The following PPARA variants were observed in gnomAD, a reference collection of about 807,000 sequenced individuals.
PPARA encodes peroxisome proliferator activated receptor alpha.
In PPARA, 22 loss-of-function variants were observed where a neutral mutation model predicts 42.2. The ratio of observed to expected loss-of-function variants is 0.52; its 90% CI spans 0.37 to 0.74. The LOEUF (loss-of-function observed/expected upper bound fraction) is 0.74, where lower values mean the gene tolerates loss of function less well. Among genes scored for constraint, PPARA ranks in the 30% least tolerant of loss-of-function variants. The pLI is 0.00. For missense variants in PPARA, 465 were observed against 608.2 expected, an observed-to-expected ratio of 0.76 and a Z score of 2.48; for synonymous variants, 242 against 239.3, an observed-to-expected ratio of 1.01 and a Z score of -0.10.
rs5767763 is a variant in PPARA at position 46,232,486 on chromosome 22, A to C, written c.1159+247A>C. ...ATTTAATATTATGTAAATGTATGAC[A>C]TTTTAATCATAATATTAGCCAGGTG... is the stretch of plus-strand genomic sequence containing the variant. On this transcript the variant is annotated intron_variant, in intron 8 of 8. Coordinates refer to ENST00000407236, the MANE Select transcript of PPARA (RefSeq NM_005036.6). The surrounding 1 kb of genome is among the most constrained non-coding windows in gnomAD (Gnocchi z 5.3). Among the ~76,000 whole-genome samples the C allele has an allele frequency of 6.6e-6, 1 of 151,980 alleles. No individual in the cohort carries two copies. The highest frequency in any genetic ancestry group is 2.4e-5 in the African/African-American group (1 of 41,500).
Position 46,211,080 on chromosome 22 carries a change from CT to C in PPARA, c.209-4092del, listed in dbSNP as rs1373634519. 6.6e-6 allele frequency among the ~76,000 whole-genome samples: 1 copy of C among 152,182 alleles called. No individual in the cohort carries two copies. Among genetic ancestry groups the C allele is most frequent in the Non-Finnish European group, 1.5e-5 (1 of 68,028 alleles). ...TCACTATCATCATTTCAGGTTGCTA[CT>C]GAAGTATCCCTTTTTCAGGCTCTCA... On this transcript the variant is annotated intron_variant, in intron 4 of 8. Coordinates refer to ENST00000407236, the MANE Select transcript of PPARA (RefSeq NM_005036.6). The surrounding 1 kb of genome is among the most constrained non-coding windows in gnomAD (Gnocchi z 4.1).
In PPARA at chr22:46,235,186, G is replaced by A; in HGVS notation, c.1213G>A (p.Val405Ile). The stretch of plus-strand genomic sequence containing the variant: ...CATTGAAAAAATGCAGGAGGGTATT[G>A]TACATGTGCTCAGACTCCACCTGCA... ...GHIEKMQEGI[V>I]HVLRLHLQSN... Residue 405 changes from valine to isoleucine, a missense_variant, in exon 9 of 9, where the codon GTA becomes ATA. Coordinates refer to ENST00000407236, the MANE Select transcript of PPARA (RefSeq NM_005036.6). The surrounding 1 kb of genome is among the most constrained non-coding windows in gnomAD (Gnocchi z 7.0). 6.2e-7 allele frequency: 1 copy of A among 1,613,704 alleles called. No homozygotes were observed. Among genetic ancestry groups the A allele is most frequent in the Non-Finnish European group, 8.5e-7 (1 of 1,179,672 alleles).
chr22:46,189,094 A>G (rs570032129), intron 3 of PPARA, among the ~76,000 whole-genome samples: 18 of 152,142 alleles, frequency 1.2e-4, no homozygotes, highest in Non-Finnish European at 2.1e-4. Flanking sequence ...TACAAATTTC[A>G]TTTCAGTTGA....
At chr22:46,177,920 A>G (rs1158043850) in intron 3 of PPARA, among the ~76,000 whole-genome samples, 1 of 152,222 alleles carries the variant, frequency 6.6e-6, no homozygotes, top group Non-Finnish European at 1.5e-5. Context: ...AGTCTCAGGT[A>G]TATACTCAAG....
rs1051349811 is a variant in PPARA at position 46,203,116 on chromosome 22, T to C, written c.208+4525T>C. On this transcript the variant is annotated intron_variant, in intron 4 of 8. Transcript: ENST00000407236. The surrounding 1 kb of genome is among the most constrained non-coding windows in gnomAD (Gnocchi z 5.8). ...CACTGTTATTCATACATGTGGTCATTTGTACTCATCTCACAATTGTTAAAA... is the reference window on the plus strand; with the variant it reads ...CACTGTTATTCATACATGTGGTCATCTGTACTCATCTCACAATTGTTAAAA... Among the ~76,000 whole-genome samples, 2 of 152,146 alleles carry C rather than the reference T, an allele frequency of 1.3e-5. No individual in the cohort carries two copies. Among genetic ancestry groups the C allele is most frequent in the African/African-American group, 4.8e-5 (2 of 41,452 alleles).
chr22:46,222,212 G>A lies in PPARA; in HGVS notation c.711+2198G>A, dbSNP rs1321478832. 1.3e-5 allele frequency among the ~76,000 whole-genome samples: 2 copies of A among 151,520 alleles called. No homozygotes were observed. The highest frequency in any genetic ancestry group is 1.5e-5 in the Non-Finnish European group (1 of 67,942). On this transcript the variant is annotated intron_variant, in intron 7 of 8. Coordinates refer to ENST00000407236, the MANE Select transcript of PPARA (RefSeq NM_005036.6). This position sits in a 1 kb window ranked among gnomAD's most constrained non-coding sequence, Gnocchi z 5.9. ...CCACATCCCCGCCTGCCTGGCCTAA[G>A]TCCTCCTTCCCCCTCCCCAACAGTT...
rs1315747047 is a variant in PPARA, at chr22:46,241,820, C to A, written c.*6440C>A. On this transcript the variant is annotated 3_prime_UTR_variant, in exon 9 of 9. Transcript: ENST00000407236. The surrounding 1 kb of genome is among the most constrained non-coding windows in gnomAD (Gnocchi z 5.7). ...TGCCAACAAAAACAGACCAACAGAC[C>A]AGATGGTGTCCATGTTCAATATCAT... The A allele has an allele frequency of 2.0e-5, 3 of 150,362 alleles. No individual in the cohort carries two copies. The highest frequency in any genetic ancestry group is 4.4e-5 in the Non-Finnish European group (3 of 67,824). The allele number at this position is 150,362 out of a possible 1,614,324, so 9.3% of individuals were successfully genotyped here.
intron 2 of PPARA, among the ~76,000 whole-genome samples, chr22:46,168,528 C>T (rs1927478167): frequency 6.6e-6 from 1 of 151,630 alleles, no homozygotes; most frequent in Non-Finnish European, 1.5e-5. Context: ...TGACAAAGGA[C>T]TTGGATATGG....
At chr22:46,206,453 G>T (rs901565629) in intron 4 of PPARA, among the ~76,000 whole-genome samples, 18 of 152,116 alleles carry the variant, frequency 1.2e-4, no homozygotes, top group African/African-American at 4.1e-4. Flanking sequence ...TATCTCCTTT[G>T]TTGGCTTATT....
rs1926280560 is a variant in PPARA at position 46,162,128 on chromosome 22, C to A, written c.-127+10158C>A. 6.6e-6 allele frequency among the ~76,000 whole-genome samples: 1 copy of A among 152,212 alleles called. No homozygotes were observed. The highest frequency in any genetic ancestry group is 2.1e-4 in the South Asian group (1 of 4,832). ...CCCACCACTTAGCAGCTCTCAGATG[C>A]AGACAGATTTTTCAGCTGGCCTGTG... On this transcript the variant is annotated intron_variant, in intron 2 of 8. Coordinates refer to ENST00000407236, the MANE Select transcript of PPARA (RefSeq NM_005036.6). The surrounding 1 kb of genome is among the most constrained non-coding windows in gnomAD (Gnocchi z 6.0).
rs1490111864 is a variant in PPARA at position 46,180,437 on chromosome 22, C to T, written c.-43+3601C>T. ...AGAGTTAAGAAAGAATATTAATTTT[C>T]CTTGTGTGAAACATTAATCTTATCT... On this transcript the variant is annotated intron_variant, in intron 3 of 8. Transcript: ENST00000407236. This position sits in a 1 kb window ranked among gnomAD's most constrained non-coding sequence, Gnocchi z 4.2. Among the ~76,000 whole-genome samples, 3 of 152,148 alleles carry T rather than the reference C, an allele frequency of 2.0e-5. No homozygotes were observed. The highest frequency in any genetic ancestry group is 4.4e-5 in the Non-Finnish European group (3 of 68,018).
chr22:46,223,683 C>T (rs2147625453), intron 7 of PPARA, among the ~76,000 whole-genome samples: 1 of 140,678 alleles, frequency 7.1e-6, no homozygotes, highest in East Asian at 2.1e-4. Context: ...GTTGCTCATG[C>T]TTATGCCTGT....
At chr22:46,177,054 C>CA (rs540871810) in intron 3 of PPARA, among the ~76,000 whole-genome samples, 20 of 151,968 alleles carry the variant, frequency 1.3e-4, no homozygotes, top group Middle Eastern at 3.4e-3. Flanking sequence ...ACTACAAATA[C>CA]AAAAAAATTA....
In PPARA at chr22:46,216,337, C is replaced by G. The variant is rs978173059; in HGVS notation, c.369+1004C>G. On this transcript the variant is annotated intron_variant, in intron 5 of 8. Transcript: ENST00000407236. This position sits in a 1 kb window ranked among gnomAD's most constrained non-coding sequence, Gnocchi z 4.5. ...GGCGGAGGTTGCAGTGAGCTGAGAT[C>G]GAGCCATTTCACTCCAGCCTAGGCG... 6.7e-6 allele frequency among the ~76,000 whole-genome samples: 1 copy of G among 149,816 alleles called. No individual in the cohort carries two copies. Among genetic ancestry groups the G allele is most frequent in the South Asian group, 2.1e-4 (1 of 4,774 alleles).
intron 3 of PPARA, among the ~76,000 whole-genome samples, chr22:46,177,787 C>T (rs17241885): frequency 0.11 from 15,812 of 142,478 alleles, 1,148 homozygotes; most frequent in African/African-American, 0.21. Context: ...GAACCTCAGG[C>T]GTGTAGCCAG....
chr22:46,210,448 CTT>C (rs762431212), intron 4 of PPARA, among the ~76,000 whole-genome samples: 2 of 141,864 alleles, frequency 1.4e-5, no homozygotes, highest in Admixed American at 7.1e-5. Flanking sequence ...ATTTTCTTTT[CTT>C]TTTTTTTTTG....
At chr22:46,218,803 C>T (rs1355299718) in intron 6 of PPARA, among the ~76,000 whole-genome samples, 2 of 145,356 alleles carry the variant, frequency 1.4e-5, no homozygotes, top group Non-Finnish European at 3.0e-5. Context: ...CACTGCACTC[C>T]AGCCTGGGCG....
intron 4 of PPARA, among the ~76,000 whole-genome samples, chr22:46,214,476 T>G (rs985880053): frequency 2.2e-5 from 3 of 138,328 alleles, no homozygotes; most frequent in Non-Finnish European, 4.6e-5. Context: ...GATCAGGAGA[T>G]GGGCGAATCG....
chr22:46,202,433 C>T (rs1186339313), intron 4 of PPARA, among the ~76,000 whole-genome samples: 1 of 151,960 alleles, frequency 6.6e-6, no homozygotes, highest in Non-Finnish European at 1.5e-5. Context: ...AACTGTGCTT[C>T]CCATCTAAAT....
Sources: allele counts gnomAD v4.1 joint callset (sites outside exome capture counted in the v4.1 genomes callset), GRCh38; gene constraint gnomAD v4.1.1; non-coding constraint Gnocchi (gnomAD v3.1); transcripts MANE v1.5; gene names NCBI Gene and HGNC (gene_info 2026-07-23, HGNC 2026-07-21).